Variants in MIB1 observed in about 807,000 individuals in gnomAD.
MIB1 encodes the protein E3 ubiquitin-protein ligase MIB1.
Under a neutral mutation model 124.5 loss-of-function variants are expected in MIB1, and 278 were observed. The observed-to-expected ratio is 2.23, with a 90% CI of 2.02 to 2.47. The LOEUF is 2.47. MIB1 is among the 30% of genes most tolerant of loss of function. MIB1 has a pLI of 0.00. For synonymous variants in MIB1, 446 were observed against 429.4 expected, an observed-to-expected ratio of 1.04 and a Z score of -0.48; for missense variants, 957 against 1,254.4, an observed-to-expected ratio of 0.76 and a Z score of 3.58.
At chr18:21,763,515 T>G (rs1416794886) in intron 1 of MIB1, among the ~76,000 whole-genome samples, 1 of 152,182 alleles carries the variant, frequency 6.6e-6, no homozygotes, top group Non-Finnish European at 1.5e-5. Flanking sequence ...CCTGTTTAGT[T>G]TCTAAGGCGA....
chr18:21,765,969 A>G (rs756739772), intron 2 of MIB1, 26 bp downstream of exon 2: 29 of 1,610,078 alleles, frequency 1.8e-5, no homozygotes, highest in Middle Eastern at 1.7e-4. Flanking sequence ...TTCTTCTTCA[A>G]CCGAGGGTTT....
At chr18:21,800,856 A>G (rs571590892) in intron 9 of MIB1, among the ~76,000 whole-genome samples, 1 of 152,240 alleles carries the variant, frequency 6.6e-6, no homozygotes, top group Non-Finnish European at 1.5e-5. Context: ...GTTATGAGCT[A>G]TGTAAAAATA....
intron 15 of MIB1, among the ~76,000 whole-genome samples, chr18:21,844,594 A>G (rs1185945647): frequency 1.3e-5 from 2 of 151,886 alleles, no homozygotes; most frequent in Non-Finnish European, 2.9e-5. Context: ...ACACCTAGCT[A>G]ATTTTTGTAT....
chr18:21,776,524 T>C (rs1348428275), intron 4 of MIB1, among the ~76,000 whole-genome samples: 3 of 152,212 alleles, frequency 2.0e-5, no homozygotes, highest in Non-Finnish European at 2.9e-5. Flanking sequence ...AATCCACATC[T>C]AAATTTTCAC....
At chr18:21,851,406 TTA>T (rs1157667091) in intron 17 of MIB1, among the ~76,000 whole-genome samples, 1 of 152,104 alleles carries the variant, frequency 6.6e-6, no homozygotes, top group Non-Finnish European at 1.5e-5. Context: ...TATGAAAGTT[TTA>T]TAATTTATAA....
intron 1 of MIB1, among the ~76,000 whole-genome samples, chr18:21,745,649 AC>A (rs754270384): frequency 6.7e-6 from 1 of 149,642 alleles, no homozygotes; most frequent in Non-Finnish European, 1.5e-5. Flanking sequence ...GATTAAACCT[AC>A]CCCATGGTGA....
upstream of MIB1, among the ~76,000 whole-genome samples, chr18:21,736,454 G>A (rs929077000): frequency 2.0e-5 from 3 of 151,908 alleles, no homozygotes; most frequent in East Asian, 1.9e-4. Flanking sequence ...AGAATGCCTC[G>A]TCTCCTTCAA....
rs1272202082 is a variant in MIB1 at position 21,768,629 on chromosome 18, G to A, written c.408G>A (p.Leu136=). 5 of 1,557,282 alleles carry A rather than the reference G, an allele frequency of 3.2e-6. No individual in the cohort carries two copies. The highest frequency in any genetic ancestry group is 3.8e-5 in the Admixed American group (2 of 52,718). The change falls in exon 3 of 21, where the codon CTG becomes CTA. Residue 136 remains leucine, a synonymous_variant. Transcript: ENST00000261537. ...RITTPGSERV[L]LESRRKSKKI... ...TAAATAATTTTATTTTTAGGGTTCT[G>A]TTAGAGTCTCGTAGGAAATCTAAGA...
At position 21,717,404 on chromosome 18, in the gene MIB1, TTAAAC is replaced by T. The variant is rs537811720; in HGVS notation, n.167+12286_167+12290del. On this transcript the variant is annotated intron_variant and non_coding_transcript_variant, in intron 1 of 20. Coordinates refer to the MIB1 transcript ENST00000578646. ...ACAAAGATAAATAGCTGAGACTTAA[TTAAAC>T]TAAAGAGCTTTTGCACAGCAAAAGG... Among the ~76,000 whole-genome samples the T allele has an allele frequency of 2.1e-3, 314 of 152,222 alleles. 7 individuals are homozygous for T. Among genetic ancestry groups the T allele is most frequent in the Non-Finnish European group, 7.2e-4 (49 of 68,020 alleles).
At chr18:21,753,684 G>A (rs571652359) in intron 1 of MIB1, among the ~76,000 whole-genome samples, 7 of 148,380 alleles carry the variant, frequency 4.7e-5, no homozygotes, top group East Asian at 4.0e-4. Context: ...TCTTTCTTTC[G>A]TTTTTTTTTG....
chr18:21,765,169 T>C (rs1539866), intron 1 of MIB1, among the ~76,000 whole-genome samples: 4,910 of 152,282 alleles, frequency 0.032, 297 homozygotes, highest in African/African-American at 0.11. Context: ...CAAGTGTTTA[T>C]TTTTTCTAGA....
intron 1 of MIB1, among the ~76,000 whole-genome samples, chr18:21,734,206 A>G (rs1015513615): frequency 1.4e-5 from 2 of 146,910 alleles, no homozygotes; most frequent in East Asian, 4.1e-4. Context: ...TCCCGGGTTC[A>G]CTCCATTCTG....
chr18:21,779,861 C>CGT lies in MIB1; in HGVS notation c.908+205_908+206dup, dbSNP rs67233506. On this transcript the variant is annotated intron_variant, in intron 6 of 20. Coordinates refer to ENST00000261537, the MANE Select transcript of MIB1 (RefSeq NM_020774.4). ...GGAGAGAAACAAATGATAAGAATTA[C>CGT]GTGTGTGTGTGTGTGTGTGTGTGTG... 0.04 allele frequency among the ~76,000 whole-genome samples: 5,947 copies of CGT among 148,552 alleles called. 142 individuals carry two copies. The highest frequency in any genetic ancestry group is 0.062 in the South Asian group (286 of 4,646).
At chr18:21,787,775 G>A (rs1380944223) in intron 6 of MIB1, among the ~76,000 whole-genome samples, 1 of 140,022 alleles carries the variant, frequency 7.1e-6, no homozygotes, top group Admixed American at 7.2e-5. Context: ...TTTTTTTTTC[G>A]ATTTTCTGTT....
intron 1 of MIB1, among the ~76,000 whole-genome samples, chr18:21,765,560 A>T (rs1227845021): frequency 3.3e-5 from 5 of 152,202 alleles, no homozygotes; most frequent in African/African-American, 1.2e-4. Flanking sequence ...ACTAATGAAA[A>T]AGGGAGCAGA....
At chr18:21,744,516 A>T (rs1357037670) in intron 1 of MIB1, among the ~76,000 whole-genome samples, 1 of 152,180 alleles carries the variant, frequency 6.6e-6, no homozygotes, top group South Asian at 2.1e-4. Flanking sequence ...AATTATATGC[A>T]GTGGTTATTA....
chr18:21,830,557 T>C (rs2041969508), intron 12 of MIB1: 1 of 152,138 alleles, frequency 6.6e-6, no homozygotes, highest in Non-Finnish European at 1.5e-5. Flanking sequence ...GAGTCAATAA[T>C]AGGTAAGCAT....
At chr18:21,725,464 A>T (rs975659854) in intron 1 of MIB1, among the ~76,000 whole-genome samples, 4 of 152,122 alleles carry the variant, frequency 2.6e-5, no homozygotes, top group Admixed American at 2.6e-4. Context: ...TACTGTTTAG[A>T]CTTACCACTG....
Position 21,741,858 on chromosome 18 carries a change from G to A in MIB1, c.229+46G>A, listed in dbSNP as rs965909596. ...CAGGGCTTGCGCGCGCGGGGGGAAG[G>A]GGCGAGCTGCGGTGGGCGTCGGTGT... On this transcript the variant is annotated intron_variant, in intron 1 of 20. Transcript: ENST00000261537. The surrounding 1 kb of genome is among the most constrained non-coding windows in gnomAD (Gnocchi z 5.4). 2.7e-6 allele frequency: 4 copies of A among 1,489,976 alleles called. No homozygotes were observed. Among genetic ancestry groups the A allele is most frequent in the Admixed American group, 2.1e-5 (1 of 47,562 alleles). 92.3% of individuals were successfully genotyped at this position (1,489,976 alleles called of 1,614,324 possible). A position where few individuals can be genotyped will look rare whatever the true frequency, so the allele number is the denominator to read the frequency against.
Sources: gnomAD v4.1 joint callset for allele counts (sites outside exome capture counted in the v4.1 genomes callset) on GRCh38, gnomAD v4.1.1 for gene constraint, Gnocchi (gnomAD v3.1) non-coding constraint, MANE v1.5 for transcripts, NCBI Gene and HGNC (gene_info 2026-07-23, HGNC 2026-07-21) for gene names.